The following ITGBL1 variants were observed in gnomAD, a reference collection of about 807,000 sequenced individuals.
ITGBL1 encodes integrin beta-like protein 1.
A neutral mutation model predicts 68.5 loss-of-function variants in ITGBL1; 51 were observed. That is an observed-to-expected ratio of 0.74 (90% CI 0.59 to 0.94). The LOEUF (loss-of-function observed/expected upper bound fraction) is 0.94, where lower values mean the gene tolerates loss of function less well. ITGBL1 is among the 40% of genes least tolerant of loss of function. The probability of loss-of-function intolerance (pLI) is 0.00; values close to 1 mark genes in which losing one functional copy is unlikely to be tolerated. For missense variants in ITGBL1, 649 were observed against 647.4 expected, an observed-to-expected ratio of 1.00 and a Z score of -0.03; for synonymous variants, 209 against 227.3, an observed-to-expected ratio of 0.92 and a Z score of 0.72.
intron 2 of ITGBL1, among the ~76,000 whole-genome samples, chr13:101,549,641 G>T (rs1487540533): frequency 1.3e-5 from 2 of 152,002 alleles, no homozygotes; most frequent in East Asian, 3.9e-4. Context: ...TTTTTTAAAA[G>T]ATTTTTTATA....
intron 2 of ITGBL1, among the ~76,000 whole-genome samples, chr13:101,466,782 G>C (rs1193546021): frequency 6.6e-6 from 1 of 152,112 alleles, no homozygotes; most frequent in Non-Finnish European, 1.5e-5. Context: ...ATCTTTCCTG[G>C]AGCTCTGCTT....
At chr13:101,615,462 C>G (rs1202662090) in intron 7 of ITGBL1, among the ~76,000 whole-genome samples, 1 of 152,172 alleles carries the variant, frequency 6.6e-6, no homozygotes, top group Non-Finnish European at 1.5e-5. Flanking sequence ...CCACCATATA[C>G]TACTTTATTT....
chr13:101,544,917 G>GGT (rs1298104293), intron 2 of ITGBL1, among the ~76,000 whole-genome samples: 6 of 152,276 alleles, frequency 3.9e-5, no homozygotes, highest in Admixed American at 3.3e-4. Flanking sequence ...GCAGTATTAG[G>GGT]AAAAGTGACC....
At chr13:101,495,140 A>G (rs936983123) in intron 2 of ITGBL1, among the ~76,000 whole-genome samples, 5 of 152,172 alleles carry the variant, frequency 3.3e-5, no homozygotes, top group Admixed American at 2.0e-4. Context: ...TTTAACTTTT[A>G]TGTAGTTTAC....
At chr13:101,626,124 A>T (rs1236255570) in intron 7 of ITGBL1, among the ~76,000 whole-genome samples, 1 of 152,146 alleles carries the variant, frequency 6.6e-6, no homozygotes, top group African/African-American at 2.4e-5. Flanking sequence ...ATCAGCATCA[A>T]ATTGTATTTC....
intron 7 of ITGBL1, among the ~76,000 whole-genome samples, chr13:101,681,416 T>A (rs2033637726): frequency 6.6e-6 from 1 of 152,194 alleles, no homozygotes; most frequent in Non-Finnish European, 1.5e-5. Context: ...TTTCACCCTT[T>A]CACAAATGTG....
At position 101,653,355 on chromosome 13, in the gene ITGBL1, C is replaced by T. The variant is rs557408732; in HGVS notation, c.1016-39230C>T. On this transcript the variant is annotated intron_variant, in intron 7 of 10. Transcript: ENST00000376180. ...TTTATTCAGGTGAATATTGGGATATCACTGATTTTATCAGATTCATTATAT... is the reference window on the plus strand; with the variant it reads ...TTTATTCAGGTGAATATTGGGATATTACTGATTTTATCAGATTCATTATAT... Among the ~76,000 whole-genome samples the T allele has an allele frequency of 5.7e-4, 86 of 152,104 alleles. 1 individual carries two copies. Among genetic ancestry groups the T allele is most frequent in the Middle Eastern group, 3.4e-3 (1 of 292 alleles).
chr13:101,583,742 A>C (rs1269490310), intron 6 of ITGBL1, among the ~76,000 whole-genome samples: 2 of 152,248 alleles, frequency 1.3e-5, no homozygotes, highest in Non-Finnish European at 2.9e-5. Context: ...TGATTCTCAC[A>C]TACCCTGTAA....
At chr13:101,519,885 A>G (rs961565896) in intron 2 of ITGBL1, among the ~76,000 whole-genome samples, 5 of 152,194 alleles carry the variant, frequency 3.3e-5, no homozygotes, top group Non-Finnish European at 7.3e-5. Flanking sequence ...CCCCATTTCT[A>G]CATCAGTGTC....
chr13:101,718,922 A>G (rs574892744), downstream of ITGBL1: 13 of 152,076 alleles, frequency 8.5e-5, no homozygotes, highest in African/African-American at 2.9e-4. Flanking sequence ...TATGACTACT[A>G]TTTCACTCAA....
At chr13:101,648,853 G>A (rs1481792144) in intron 7 of ITGBL1, among the ~76,000 whole-genome samples, 1 of 151,654 alleles carries the variant, frequency 6.6e-6, no homozygotes, top group African/African-American at 2.4e-5. Context: ...GGAAATCTGG[G>A]GGTGTTAGTA....
intron 2 of ITGBL1, among the ~76,000 whole-genome samples, chr13:101,475,442 A>G (rs923563493): frequency 6.6e-6 from 1 of 152,170 alleles, no homozygotes; most frequent in East Asian, 1.9e-4. Context: ...AAATAGCCTC[A>G]AAAGGGTAAA....
intron 2 of ITGBL1, among the ~76,000 whole-genome samples, chr13:101,552,164 CATG>C (rs1312914027): frequency 6.6e-6 from 1 of 152,132 alleles, no homozygotes; most frequent in Non-Finnish European, 1.5e-5. Flanking sequence ...TACCAAAATA[CATG>C]ATTTCTATGA....
At chr13:101,671,434 T>TTTTTG (rs1220061794) in intron 7 of ITGBL1, among the ~76,000 whole-genome samples, 9 of 72,710 alleles carry the variant, frequency 1.2e-4, no homozygotes, top group African/African-American at 4.3e-4. Context: ...TTGTTTTTTT[T>TTTTTG]TTGTTTTTTT....
At chr13:101,578,072 G>T (rs1409762864) in intron 4 of ITGBL1, among the ~76,000 whole-genome samples, 1 of 151,898 alleles carries the variant, frequency 6.6e-6, no homozygotes, top group Admixed American at 6.6e-5. Flanking sequence ...CATCTCTCTG[G>T]CTCTGTCTCT....
intron 9 of ITGBL1, chr13:101,710,880 A>T (rs913647593): frequency 1.1e-4 from 17 of 152,216 alleles, no homozygotes; most frequent in African/African-American, 3.9e-4. Flanking sequence ...AAAAATTTAA[A>T]ACAAGATACA....
intron 2 of ITGBL1, among the ~76,000 whole-genome samples, chr13:101,541,112 A>G (rs1366531565): frequency 1.4e-5 from 2 of 147,772 alleles, no homozygotes; most frequent in Non-Finnish European, 1.5e-5. Context: ...GTGGTGAGAG[A>G]GGACATCCCT....
chr13:101,489,884 G>A, intron 2 of ITGBL1: 1 of 899,706 alleles, frequency 1.1e-6, no homozygotes, highest in Non-Finnish European at 1.7e-6. Context: ...CCAGTGAGAG[G>A]TGGACTAAAG....
chr13:101,634,592 G>C (rs2032103782), intron 7 of ITGBL1, among the ~76,000 whole-genome samples: 1 of 152,118 alleles, frequency 6.6e-6, no homozygotes. Flanking sequence ...TTTGGGACTA[G>C]CTTTCTTAAA....
Sources: gnomAD v4.1 joint callset for allele counts (sites outside exome capture counted in the v4.1 genomes callset) on GRCh38, gnomAD v4.1.1 for gene constraint, MANE v1.5 for transcripts, NCBI Gene and HGNC (gene_info 2026-07-23, HGNC 2026-07-21) for gene names.